DBF4: variants seen among roughly 807,000 people sequenced by gnomAD.
The protein encoded by DBF4 is protein DBF4 homolog A.
DBF4 carries 25 observed loss-of-function variants against 76.6 expected under a neutral mutation model. The observed-to-expected ratio is 0.33, with a 90% CI of 0.24 to 0.46. The LOEUF (loss-of-function observed/expected upper bound fraction) is 0.46, where lower values mean the gene tolerates loss of function less well. DBF4 is among the 20% of genes least tolerant of loss of function. DBF4 has a pLI of 1.00. For missense variants in DBF4, 638 were observed against 760.8 expected (o/e 0.84, Z 1.90); for synonymous variants, 213 against 258.0 (o/e 0.83, Z 1.67).
chr7:87,899,176 C>G (rs765495439), intron 8 of DBF4, among the ~76,000 whole-genome samples: 1 of 152,124 alleles, frequency 6.6e-6, no homozygotes, highest in Non-Finnish European at 1.5e-5. Flanking sequence ...ATTTGCAGTG[C>G]TTTCCTGGAC....
At chr7:87,879,959 A>G (rs1467002247) in intron 2 of DBF4, among the ~76,000 whole-genome samples, 1 of 152,002 alleles carries the variant, frequency 6.6e-6, no homozygotes, top group Non-Finnish European at 1.5e-5. Context: ...TCCAAAAAAA[A>G]AAAAAAAAGG....
intron 2 of DBF4, 72 bp downstream of exon 2, chr7:87,878,297 A>C (rs574447491): frequency 1.6e-6 from 2 of 1,264,296 alleles, no homozygotes; most frequent in Admixed American, 2.6e-5. Flanking sequence ...TAATCATTTA[A>C]ATTTTTCATT....
intron 9 of DBF4, 152 bp from the exon 10 acceptor site, chr7:87,900,612 C>T: frequency 2.9e-6 from 2 of 692,678 alleles, no homozygotes; most frequent in East Asian, 2.7e-5. Context: ...GTTTGCTTCT[C>T]AATATAGTAT....
chr7:87,878,734 G>A (rs1230550306), intron 2 of DBF4, among the ~76,000 whole-genome samples: 3 of 152,184 alleles, frequency 2.0e-5, no homozygotes, highest in African/African-American at 7.2e-5. Context: ...CTTATACACT[G>A]ATTAGATGAT....
At chr7:87,890,185 T>C (rs1839449632) in intron 6 of DBF4, among the ~76,000 whole-genome samples, 1 of 152,218 alleles carries the variant, frequency 6.6e-6, no homozygotes, top group Non-Finnish European at 1.5e-5. Context: ...CTTAAAAATA[T>C]TGATCACAAC....
intron 8 of DBF4, among the ~76,000 whole-genome samples, chr7:87,898,589 A>AG (rs1220434646): frequency 6.6e-6 from 1 of 152,134 alleles, no homozygotes; most frequent in Non-Finnish European, 1.5e-5. Context: ...CAGGAGATGG[A>AG]GACCATCCTG....
chr7:87,900,696 A>T, intron 9 of DBF4, 68 bp from the exon 10 acceptor site: 6 of 1,287,244 alleles, frequency 4.7e-6, no homozygotes, highest in Non-Finnish European at 6.6e-6. Flanking sequence ...ATAGTTTAGG[A>T]CAATAAATTT....
At chr7:87,896,227 A>AT (rs1215922812) in intron 6 of DBF4, 2 of 367,754 alleles carry the variant, frequency 5.4e-6, no homozygotes, top group Non-Finnish European at 9.7e-6. Context: ...AAAACATTTC[A>AT]TTAACTACCT....
chr7:87,896,236 C>A, intron 6 of DBF4: 2 of 375,458 alleles, frequency 5.3e-6, no homozygotes, highest in South Asian at 4.8e-5. Context: ...CATTAACTAC[C>A]TTTTCATTAT....
intron 10 of DBF4, among the ~76,000 whole-genome samples, chr7:87,903,177 A>G (rs573546942): frequency 5.9e-5 from 9 of 152,266 alleles, no homozygotes; most frequent in African/African-American, 2.2e-4. Flanking sequence ...CCATCTCCCG[A>G]GTTCCAGAGA....
At chr7:87,898,069 T>C (rs12670575) in intron 8 of DBF4, among the ~76,000 whole-genome samples, 95,383 of 152,204 alleles carry the variant, frequency 0.63, 31,871 homozygotes, top group African/African-American at 0.88. Flanking sequence ...TGAGCCACTG[T>C]GCCCAGCCAT....
intron 8 of DBF4, among the ~76,000 whole-genome samples, chr7:87,898,272 T>C (rs1374861576): frequency 6.6e-5 from 10 of 152,136 alleles, no homozygotes; most frequent in African/African-American, 2.4e-4. Context: ...AAAAGTGCAA[T>C]TCAAAAGGAG....
chr7:87,885,288 C>G (rs1039503250), intron 3 of DBF4, 130 bp downstream of exon 3: 2 of 691,614 alleles, frequency 2.9e-6, no homozygotes, highest in Admixed American at 3.2e-5. Context: ...GTGTGGCTCT[C>G]TAGTCCTCAA....
chr7:87,889,519 A>C (rs888307168), intron 6 of DBF4, among the ~76,000 whole-genome samples: 9 of 152,216 alleles, frequency 5.9e-5, no homozygotes, highest in South Asian at 4.1e-4. Context: ...AGCTCAAGCT[A>C]TCCACCCGCC....
intron 10 of DBF4, 81 bp downstream of exon 10, chr7:87,900,959 G>GA: frequency 8.6e-7 from 1 of 1,169,584 alleles, no homozygotes; most frequent in Non-Finnish European, 1.2e-6. Context: ...TTATTCTGAT[G>GA]CAGATATTTT....
chr7:87,907,445 T>C lies in DBF4; in HGVS notation c.1307T>C (p.Met436Thr). ...LNEKMSNKCSMLSTAEDDIRQ... is the reference protein window; with the variant it reads ...LNEKMSNKCSTLSTAEDDIRQ... ...GAGAAAATGAGTAATAAATGTTCCATGTTAAGTACAGCTGAAGATGACATA... is the reference window on the plus strand; with the variant it reads ...GAGAAAATGAGTAATAAATGTTCCACGTTAAGTACAGCTGAAGATGACATA... The change falls in exon 12 of 12, where the codon ATG becomes ACG. Residue 436 changes from methionine to threonine, a missense_variant. By Grantham distance (81) the Met-to-Thr change is moderately conservative. Coordinates refer to ENST00000265728, the MANE Select transcript of DBF4 (RefSeq NM_006716.4). The C allele has an allele frequency of 6.2e-7, 1 of 1,614,026 alleles. No homozygotes were observed.
Position 87,888,017 on chromosome 7 carries a change from G to A in DBF4, c.555G>A (p.Glu185=), listed in dbSNP as rs115725246. 1.4e-4 allele frequency: 219 copies of A among 1,559,022 alleles called. No homozygotes were observed. The African/African-American group carries it at 2.6e-3, about 19-fold the overall frequency. Residue 185 remains glutamate, a synonymous_variant, in exon 6 of 12, where the codon GAG becomes GAA. Coordinates refer to ENST00000265728, the MANE Select transcript of DBF4 (RefSeq NM_006716.4). ...IRYYIEQKKK[E]LYLLKKSSTS... ...ACTACATTGAACAAAAGAAAAAAGA[G>A]TTGTATTTACTCAAGAAATCAAGTA...
At chr7:87,882,831 A>G (rs1057236702) in intron 2 of DBF4, among the ~76,000 whole-genome samples, 2 of 152,214 alleles carry the variant, frequency 1.3e-5, no homozygotes. Flanking sequence ...TTGAAGAAGT[A>G]GAACCCTTGT....
At chr7:87,890,438 A>G (rs1188337471) in intron 6 of DBF4, among the ~76,000 whole-genome samples, 1 of 152,156 alleles carries the variant, frequency 6.6e-6, no homozygotes, top group Non-Finnish European at 1.5e-5. Flanking sequence ...AGGCTGATAG[A>G]AGAGAATCAC....
Sources: gnomAD v4.1 joint callset for allele counts (sites outside exome capture counted in the v4.1 genomes callset) on GRCh38, gnomAD v4.1.1 for gene constraint, MANE v1.5 for transcripts, NCBI Gene and HGNC (gene_info 2026-07-23, HGNC 2026-07-21) for gene names.